The following CACNA2D3 variants were observed in gnomAD, a reference collection of about 807,000 sequenced individuals.
The protein encoded by CACNA2D3 is voltage-dependent calcium channel subunit alpha-2/delta-3.
Under a neutral mutation model 160.6 loss-of-function variants are expected in CACNA2D3, and 60 were observed. That is an observed-to-expected ratio of 0.37 (90% CI 0.30 to 0.46). CACNA2D3 has a LOEUF of 0.46. CACNA2D3 is among the 20% of genes least tolerant of loss of function. CACNA2D3 has a pLI of 1.00. For synonymous variants in CACNA2D3, 558 were observed against 492.9 expected (o/e 1.13, Z -1.75); for missense variants, 1,205 against 1,365.0 (o/e 0.88, Z 1.85).
chr3:54,751,049 T>C (rs1213384063), intron 11 of CACNA2D3, among the ~76,000 whole-genome samples: 1 of 152,014 alleles, frequency 6.6e-6, no homozygotes, highest in African/African-American at 2.4e-5. Flanking sequence ...GGAGTACAGG[T>C]GTGAGCCACT....
chr3:54,845,624 C>T (rs1008940314), intron 16 of CACNA2D3, among the ~76,000 whole-genome samples: 4 of 152,090 alleles, frequency 2.6e-5, no homozygotes, highest in Non-Finnish European at 2.9e-5. Flanking sequence ...GTCAAAAAGC[C>T]GGGATTATTA....
intron 2 of CACNA2D3, among the ~76,000 whole-genome samples, chr3:54,303,818 G>GTTTTTTTTTTTTTTTTTTTTTT (rs71617795): frequency 3.5e-5 from 4 of 115,006 alleles, no homozygotes; most frequent in African/African-American, 1.4e-4. Flanking sequence ...CTTTTTTTCT[G>GTTTTTTTTTTTTTTTTTTTTTT]TTTTTTTTTT....
At chr3:54,447,603 C>G (rs1001899977) in intron 4 of CACNA2D3, among the ~76,000 whole-genome samples, 2 of 152,214 alleles carry the variant, frequency 1.3e-5, no homozygotes, top group Non-Finnish European at 2.9e-5. Context: ...TGAATGATGG[C>G]AGGAGGACAG....
chr3:54,196,422 C>A lies in CACNA2D3; in HGVS notation c.204+72828C>A, dbSNP rs532508481. Among the ~76,000 whole-genome samples, 203 of 152,288 alleles carry A rather than the reference C, an allele frequency of 1.3e-3. 1 individual carries two copies. Among genetic ancestry groups the A allele is most frequent in the African/African-American group, 4.7e-3 (195 of 41,554 alleles). ...GAAAGACACCTGATGGATGGATCTT[C>A]ACAGGGAAGCCGTTAAGTTAAAACT... On this transcript the variant is annotated intron_variant, in intron 2 of 37. Coordinates refer to ENST00000474759, the MANE Select transcript of CACNA2D3 (RefSeq NM_018398.3).
At chr3:54,756,827 C>A (rs539862257) in intron 12 of CACNA2D3, among the ~76,000 whole-genome samples, 1 of 152,102 alleles carries the variant, frequency 6.6e-6, no homozygotes, top group East Asian at 1.9e-4. Context: ...TGGGGACATT[C>A]GTACCCCTTG....
At chr3:55,031,271 C>G (rs775023334) in intron 35 of CACNA2D3, among the ~76,000 whole-genome samples, 1 of 152,174 alleles carries the variant, frequency 6.6e-6, no homozygotes, top group South Asian at 2.1e-4. Flanking sequence ...GTGTTCCCCC[C>G]TTGCTGTGCC....
intron 13 of CACNA2D3, among the ~76,000 whole-genome samples, chr3:54,796,903 G>A (rs1040255475): frequency 3.3e-5 from 5 of 152,176 alleles, no homozygotes; most frequent in Non-Finnish European, 7.3e-5. Flanking sequence ...CCGTGTGAAG[G>A]CATCATTTCA....
intron 9 of CACNA2D3, among the ~76,000 whole-genome samples, chr3:54,627,309 G>A (rs908752826): frequency 6.6e-6 from 1 of 152,276 alleles, no homozygotes; most frequent in South Asian, 2.1e-4. Flanking sequence ...AGAGGCTGGT[G>A]CTCTGAGAAT....
chr3:54,898,563 G>A (rs1389066474), intron 26 of CACNA2D3, among the ~76,000 whole-genome samples: 1 of 152,162 alleles, frequency 6.6e-6, no homozygotes, highest in Non-Finnish European at 1.5e-5. Context: ...AATATCAAGA[G>A]ACAGTGAACT....
chr3:54,721,742 C>T (rs190121403), intron 11 of CACNA2D3, among the ~76,000 whole-genome samples: 978 of 90,428 alleles, frequency 0.011, 20 homozygotes, highest in African/African-American at 0.04. Flanking sequence ...GCCTGGGCAA[C>T]AAAGAGCAAA....
intron 2 of CACNA2D3, among the ~76,000 whole-genome samples, chr3:54,159,038 ATGCCAGAAGCTT>A (rs1700294880): frequency 6.6e-6 from 1 of 152,176 alleles, no homozygotes; most frequent in African/African-American, 2.4e-5. Context: ...ATTGTTTCCA[ATGCCAGAAGCTT>A]TGCCTCCCCT....
intron 27 of CACNA2D3, among the ~76,000 whole-genome samples, chr3:54,919,301 A>T (rs748374104): frequency 2.6e-5 from 4 of 152,216 alleles, no homozygotes; most frequent in Non-Finnish European, 4.4e-5. Flanking sequence ...CCCATTGAAA[A>T]TCTAAGGAAA....
chr3:54,421,329 G>A (rs1283210219), intron 4 of CACNA2D3, among the ~76,000 whole-genome samples: 1 of 152,220 alleles, frequency 6.6e-6, no homozygotes, highest in Admixed American at 6.5e-5. Context: ...TTTCCCTGAG[G>A]AGGAAAGATT....
intron 2 of CACNA2D3, among the ~76,000 whole-genome samples, chr3:54,293,554 A>G (rs1703258994): frequency 8.1e-6 from 1 of 123,572 alleles, no homozygotes; most frequent in Non-Finnish European, 1.8e-5. Context: ...ATGACTGAGT[A>G]ATATTCTATT....
At chr3:54,579,964 G>T (rs1170525408) in intron 8 of CACNA2D3, among the ~76,000 whole-genome samples, 1 of 152,136 alleles carries the variant, frequency 6.6e-6, no homozygotes, top group Non-Finnish European at 1.5e-5. Flanking sequence ...GAACGAGAGG[G>T]CACAAGCCTG....
intron 4 of CACNA2D3, among the ~76,000 whole-genome samples, chr3:54,467,558 A>G (rs762311755): frequency 2.0e-5 from 3 of 152,178 alleles, no homozygotes; most frequent in Non-Finnish European, 2.9e-5. Flanking sequence ...CAAAATGGAG[A>G]TAATATCTGT....
intron 35 of CACNA2D3, among the ~76,000 whole-genome samples, chr3:55,054,110 T>C (rs1704303381): frequency 6.6e-6 from 1 of 151,938 alleles, no homozygotes; most frequent in African/African-American, 2.4e-5. Flanking sequence ...TAATTGCTCA[T>C]GTTCTATCTT....
rs188428448 is a variant in CACNA2D3 at position 54,378,603 on chromosome 3, G to A, written c.322-8112G>A. Among the ~76,000 whole-genome samples the A allele has an allele frequency of 1.1e-4, 16 of 152,292 alleles. No homozygotes were observed. In the East Asian group the frequency reaches 2.7e-3, roughly 26 times the overall value. On this transcript the variant is annotated intron_variant, in intron 3 of 37. Coordinates refer to ENST00000474759, the MANE Select transcript of CACNA2D3 (RefSeq NM_018398.3). ...TAGTGCAGTTACCTCAGAACTGAAG[G>A]GTCCTGCGGGGACTTTTTAAGTTTC...
At chr3:54,249,005 C>T (rs1008276257) in intron 2 of CACNA2D3, among the ~76,000 whole-genome samples, 25 of 152,102 alleles carry the variant, frequency 1.6e-4, no homozygotes, top group African/African-American at 5.8e-4. Context: ...GGTTTCCTCC[C>T]TCTGTTATCC....
Sources: allele counts gnomAD v4.1 joint callset (sites outside exome capture counted in the v4.1 genomes callset), GRCh38; gene constraint gnomAD v4.1.1; transcripts MANE v1.5; gene names NCBI Gene and HGNC (gene_info 2026-07-23, HGNC 2026-07-21).